Variants in DENND4C observed in about 807,000 individuals in gnomAD.
The protein encoded by DENND4C is DENN domain containing 4C.
In DENND4C, 108 loss-of-function variants were observed where a neutral mutation model predicts 203.0. The observed-to-expected ratio is 0.53, with a 90% CI of 0.46 to 0.62. The LOEUF (loss-of-function observed/expected upper bound fraction) is 0.62, where lower values mean the gene tolerates loss of function less well. Among genes scored for constraint, DENND4C ranks in the 20% least tolerant of loss-of-function variants. DENND4C has a pLI of 0.00. For missense variants in DENND4C, 2,481 were observed against 2,301.2 expected, an observed-to-expected ratio of 1.08 and a Z score of -1.60; for synonymous variants, 871 against 792.4, an observed-to-expected ratio of 1.10 and a Z score of -1.67.
intron 22 of DENND4C, among the ~76,000 whole-genome samples, chr9:19,343,611 G>GT (rs2131964379): frequency 6.6e-6 from 1 of 152,322 alleles, no homozygotes; most frequent in South Asian, 2.1e-4. Flanking sequence ...ACTTGTTTGG[G>GT]TAGTGCTCAA....
In DENND4C at chr9:19,276,138, C is replaced by CTG; in HGVS notation, c.-17-19_-17-18insGT. On this transcript the variant is annotated intron_variant, in intron 1 of 32. Transcript: ENST00000434457. Reference sequence around the variant, plus strand: ...ATAAAGTATTTTATTTTATTGGTATCTTTCCCCTCCCTCTTCTAGAAAATA... The same window carrying CTG: ...ATAAAGTATTTTATTTTATTGGTATCTGTTTCCCCTCCCTCTTCTAGAAAATA... 1.7e-6 allele frequency: 2 copies of CTG among 1,168,152 alleles called. No homozygotes were observed. Among genetic ancestry groups the CTG allele is most frequent in the Non-Finnish European group, 2.2e-6 (2 of 929,794 alleles). The allele number at this position is 1,168,152 out of a possible 1,614,324, so 72.4% of individuals were successfully genotyped here.
At chr9:19,321,672 C>A (rs745971092) in intron 12 of DENND4C, among the ~76,000 whole-genome samples, 1 of 151,648 alleles carries the variant, frequency 6.6e-6, no homozygotes. Context: ...TGGCGAAACC[C>A]TGTCTCTACT....
At chr9:19,363,061 A>G (rs920683287) in intron 30 of DENND4C, among the ~76,000 whole-genome samples, 1 of 152,198 alleles carries the variant, frequency 6.6e-6, no homozygotes, top group Non-Finnish European at 1.5e-5. Context: ...AAATCTAGAA[A>G]GGGATCAGCA....
chr9:19,350,647 T>C (rs776562598), intron 23 of DENND4C, 55 bp from the exon 24 acceptor site: 92 of 1,462,588 alleles, frequency 6.3e-5, no homozygotes, highest in Middle Eastern at 2.0e-4. Flanking sequence ...GTGGGTATAA[T>C]CCCACTGGAG....
chr9:19,321,141 C>G (rs553437337), intron 12 of DENND4C, among the ~76,000 whole-genome samples: 1 of 152,300 alleles, frequency 6.6e-6, no homozygotes, highest in African/African-American at 2.4e-5. Context: ...AAAAGTCACT[C>G]TTTGAAATGT....
intron 2 of DENND4C, among the ~76,000 whole-genome samples, chr9:19,283,610 CTTTT>C (rs553611899): frequency 8.6e-6 from 1 of 116,616 alleles, no homozygotes. Context: ...TTTTTTCTTT[CTTTT>C]TTTTTTTTTT....
At chr9:19,238,810 C>T (rs540324918) in intron 1 of DENND4C, among the ~76,000 whole-genome samples, 6 of 149,874 alleles carry the variant, frequency 4.0e-5, no homozygotes, top group South Asian at 2.2e-4. Context: ...TGTGCCACCA[C>T]GTCCATCTAA....
chr9:19,230,609 C>T (rs1359503791), upstream of DENND4C: 1 of 152,104 alleles, frequency 6.6e-6, no homozygotes. Context: ...CGCGGAGGCA[C>T]CCGCGCGGGC....
intron 8 of DENND4C, among the ~76,000 whole-genome samples, chr9:19,299,760 C>T (rs115184777): frequency 3.9e-4 from 60 of 152,276 alleles, no homozygotes; most frequent in Middle Eastern, 6.8e-3. Context: ...CTTTTGAAAA[C>T]GCAAATATAA....
At chr9:19,313,210 TTTACTC>T (rs1841090785) in intron 10 of DENND4C, among the ~76,000 whole-genome samples, 1 of 152,190 alleles carries the variant, frequency 6.6e-6, no homozygotes, top group Admixed American at 6.5e-5. Flanking sequence ...AAATTAATAT[TTTACTC>T]TTTTTTTAAG....
chr9:19,348,743 G>A (rs540640395), intron 23 of DENND4C, among the ~76,000 whole-genome samples: 15 of 151,624 alleles, frequency 9.9e-5, no homozygotes, highest in Non-Finnish European at 2.2e-4. Context: ...AAGGGAAGGC[G>A]AAATAAAATA....
intron 17 of DENND4C, among the ~76,000 whole-genome samples, chr9:19,334,357 C>A (rs1357424959): frequency 6.6e-6 from 1 of 151,918 alleles, no homozygotes; most frequent in Non-Finnish European, 1.5e-5. Flanking sequence ...GGCCTCTATC[C>A]TTGATTTTAG....
chr9:19,244,794 T>C (rs1824733340), intron 1 of DENND4C, among the ~76,000 whole-genome samples: 1 of 152,080 alleles, frequency 6.6e-6, no homozygotes, highest in Non-Finnish European at 1.5e-5. Flanking sequence ...CCTTTAACTT[T>C]ATGTATAACC....
rs561868267 is a variant in DENND4C, at chr9:19,345,094, G to A, written c.3152-827G>A. Among the ~76,000 whole-genome samples the A allele has an allele frequency of 1.6e-4, 24 of 152,224 alleles. No homozygotes were observed. In the South Asian group the frequency reaches 4.8e-3, roughly 30 times the overall value. On this transcript the variant is annotated intron_variant, in intron 22 of 32. Transcript: ENST00000434457. Reference sequence around the variant, plus strand: ...AGGATTTTAGCATGTGGATTTTGGCGGACACAAACATTCAGTCCATAACAG... The same window carrying A: ...AGGATTTTAGCATGTGGATTTTGGCAGACACAAACATTCAGTCCATAACAG...
At chr9:19,331,609 C>T (rs1398443533) in intron 16 of DENND4C, among the ~76,000 whole-genome samples, 2 of 152,146 alleles carry the variant, frequency 1.3e-5, no homozygotes, top group Non-Finnish European at 2.9e-5. Flanking sequence ...GCATCTTAAA[C>T]TTTAGTGAAG....
chr9:19,272,643 G>A (rs1292144461), intron 1 of DENND4C, among the ~76,000 whole-genome samples: 2 of 152,096 alleles, frequency 1.3e-5, no homozygotes, highest in African/African-American at 2.4e-5. Context: ...CACGCCATAT[G>A]CAAAAATCAG....
intron 12 of DENND4C, among the ~76,000 whole-genome samples, chr9:19,319,565 G>T (rs533389145): frequency 3.3e-5 from 5 of 151,116 alleles, no homozygotes; most frequent in Non-Finnish European, 7.4e-5. Flanking sequence ...TGCTGTGGAA[G>T]ATAAGGCTGA....
intron 1 of DENND4C, among the ~76,000 whole-genome samples, chr9:19,247,693 C>CA (rs1225964326): frequency 1.3e-5 from 2 of 152,166 alleles, no homozygotes; most frequent in African/African-American, 2.4e-5. Context: ...TGTGCCCTGC[C>CA]AGGACTGCCT....
rs1462453418 is a variant in DENND4C at position 19,369,949 on chromosome 9, A to G, written c.5637A>G (p.Leu1879=). 6.2e-6 allele frequency: 10 copies of G among 1,613,924 alleles called. No homozygotes were observed. The highest frequency in any genetic ancestry group is 8.5e-6 in the Non-Finnish European group (10 of 1,179,928). The change falls in exon 31 of 33, where the codon CTA becomes CTG. Residue 1879 remains leucine, a synonymous_variant. Transcript: ENST00000434457. ...ATAATGTTCTTAAACCCATCAACCT[A>G]CTTTCACAGCAAATGAAGCCAGGCA... is the stretch of plus-strand genomic sequence containing the variant. ...QHNNVLKPIN[L]LSQQMKPGMK... is the part of the protein sequence containing the mutation.
Sources: allele counts gnomAD v4.1 joint callset (sites outside exome capture counted in the v4.1 genomes callset), GRCh38; gene constraint gnomAD v4.1.1; transcripts MANE v1.5; gene names NCBI Gene and HGNC (gene_info 2026-07-23, HGNC 2026-07-21).